ZNF420: variants seen among roughly 807,000 people sequenced by gnomAD.
ZNF420 encodes ATM and p53-associated KZNF protein.
A neutral mutation model predicts 44.7 loss-of-function variants in ZNF420; 31 were observed. That is an observed-to-expected ratio of 0.69 (90% CI 0.52 to 0.94). The LOEUF (loss-of-function observed/expected upper bound fraction) is 0.94, where lower values mean the gene tolerates loss of function less well. Among genes scored for constraint, ZNF420 ranks in the 40% least tolerant of loss-of-function variants. The probability of loss-of-function intolerance (pLI) is 0.00; values close to 1 mark genes in which losing one functional copy is unlikely to be tolerated. For synonymous variants in ZNF420, 245 were observed against 267.4 expected, an observed-to-expected ratio of 0.92 and a Z score of 0.82; for missense variants, 681 against 827.9, an observed-to-expected ratio of 0.82 and a Z score of 2.18.
At chr19:37,052,781 G>A (rs576279056) in intron 1 of ZNF420, among the ~76,000 whole-genome samples, 5 of 152,114 alleles carry the variant, frequency 3.3e-5, no homozygotes, top group Non-Finnish European at 7.4e-5. Context: ...CTTTCTCTCT[G>A]GCTGCCCTTA....
intron 4 of ZNF420, among the ~76,000 whole-genome samples, chr19:37,103,734 C>T (rs1489213272): frequency 1.3e-5 from 2 of 152,148 alleles, no homozygotes; most frequent in African/African-American, 4.8e-5. Context: ...TTTTTAAGGA[C>T]ACTGTTGAAG....
At chr19:37,023,337 G>A (rs2074663360) in intron 1 of ZNF420, among the ~76,000 whole-genome samples, 1 of 152,112 alleles carries the variant, frequency 6.6e-6, no homozygotes, top group African/African-American at 2.4e-5. Context: ...TGCAAAAATA[G>A]AAGAATGCCA....
chr19:37,008,396 G>C (rs2074544747), intron 1 of ZNF420, among the ~76,000 whole-genome samples: 1 of 152,178 alleles, frequency 6.6e-6, no homozygotes, highest in African/African-American at 2.4e-5. Flanking sequence ...TGTCTTTGGT[G>C]AGCCTCTTTC....
intron 1 of ZNF420, among the ~76,000 whole-genome samples, chr19:37,051,493 C>T (rs2146424311): frequency 6.6e-6 from 1 of 152,198 alleles, no homozygotes; most frequent in South Asian, 2.1e-4. Flanking sequence ...TCTAGATTTT[C>T]AGTTTATTTG....
chr19:37,063,787 A>C (rs1271792456), intron 1 of ZNF420, among the ~76,000 whole-genome samples: 1 of 152,186 alleles, frequency 6.6e-6, no homozygotes, highest in African/African-American at 2.4e-5. Flanking sequence ...CAATTACCAA[A>C]ATAAAGAAAT....
upstream of ZNF420, among the ~76,000 whole-genome samples, chr19:37,073,574 A>G (rs1230926727): frequency 6.6e-6 from 1 of 151,946 alleles, no homozygotes; most frequent in Non-Finnish European, 1.5e-5. Context: ...CCCTGTCTCT[A>G]CTAAAAATAT....
At chr19:37,019,000 A>G (rs2074627423) in intron 1 of ZNF420, among the ~76,000 whole-genome samples, 1 of 152,228 alleles carries the variant, frequency 6.6e-6, no homozygotes, top group Non-Finnish European at 1.5e-5. Context: ...ACAGGCATCA[A>G]AAGAAAAAAC....
At chr19:37,066,571 A>G (rs1967971000) in intron 1 of ZNF420, among the ~76,000 whole-genome samples, 1 of 152,262 alleles carries the variant, frequency 6.6e-6, no homozygotes, top group South Asian at 2.1e-4. Context: ...CAACATCATT[A>G]GTCATTAGAA....
intron 4 of ZNF420, chr19:37,092,249 A>T (rs2146545618): frequency 6.6e-6 from 1 of 152,248 alleles, no homozygotes; most frequent in African/African-American, 2.4e-5. Context: ...AAAACCTATG[A>T]CTTGAGGAGA....
intron 4 of ZNF420, among the ~76,000 whole-genome samples, chr19:37,100,994 CTTTTT>C (rs35330746): frequency 1.5e-5 from 2 of 137,060 alleles, no homozygotes; most frequent in Admixed American, 7.3e-5. Flanking sequence ...AAATTTATTC[CTTTTT>C]TTTTTTTTTT....
chr19:37,073,324 C>T (rs1226628669), intron 1 of ZNF420, among the ~76,000 whole-genome samples: 1 of 152,172 alleles, frequency 6.6e-6, no homozygotes, highest in African/African-American at 2.4e-5. Flanking sequence ...TCCCTGTGTA[C>T]TATAAATTAC....
chr19:37,076,123 C>T (rs1968145049), upstream of ZNF420, among the ~76,000 whole-genome samples: 1 of 151,934 alleles, frequency 6.6e-6, no homozygotes, highest in Non-Finnish European at 1.5e-5. Flanking sequence ...GAAGCCCATC[C>T]ACATGGAATC....
At chr19:37,019,984 G>A (rs1429979792) in intron 1 of ZNF420, among the ~76,000 whole-genome samples, 4 of 152,090 alleles carry the variant, frequency 2.6e-5, no homozygotes, top group Non-Finnish European at 4.4e-5. Flanking sequence ...TTGGGAGGCT[G>A]AGGAGGGCGG....
chr19:37,059,568 C>T (rs1288053014), intron 1 of ZNF420, among the ~76,000 whole-genome samples: 3 of 152,120 alleles, frequency 2.0e-5, no homozygotes, highest in Non-Finnish European at 4.4e-5. Context: ...AAACCACAGG[C>T]GGAGTCTGGG....
intron 1 of ZNF420, among the ~76,000 whole-genome samples, chr19:37,012,446 G>A (rs1183520976): frequency 6.6e-6 from 1 of 152,198 alleles, no homozygotes; most frequent in East Asian, 1.9e-4. Flanking sequence ...GGGTGTCGGG[G>A]CCCTGAGGCT....
chr19:37,105,358 ATC>A (rs1970017075), intron 4 of ZNF420, among the ~76,000 whole-genome samples: 1 of 152,072 alleles, frequency 6.6e-6, no homozygotes, highest in South Asian at 2.1e-4. Flanking sequence ...ATTGATCTAT[ATC>A]TCTGTTTTGG....
intron 2 of ZNF420, among the ~76,000 whole-genome samples, chr19:37,087,808 G>T (rs1968910809): frequency 6.6e-6 from 1 of 152,160 alleles, no homozygotes; most frequent in African/African-American, 2.4e-5. Flanking sequence ...ACCACACCCG[G>T]CTAATTTTTT....
rs374931332 is a variant in ZNF420, at chr19:37,020,599, A to G, written c.-125+12517A>G. 4.6e-5 allele frequency among the ~76,000 whole-genome samples: 7 copies of G among 152,266 alleles called. No individual in the cohort carries two copies. In the East Asian group the frequency reaches 1.2e-3, roughly 25 times the overall value. Reference sequence around the variant, plus strand: ...TTCTTCTTTCTTTAATCCTTACACCATGTTCATAGCAGCATTATGCACAAT... The same window carrying G: ...TTCTTCTTTCTTTAATCCTTACACCGTGTTCATAGCAGCATTATGCACAAT... On this transcript the variant is annotated intron_variant, in intron 1 of 4. Coordinates refer to the ZNF420 transcript ENST00000587029.
At chr19:37,019,286 C>G (rs2074629294) in intron 1 of ZNF420, among the ~76,000 whole-genome samples, 1 of 152,160 alleles carries the variant, frequency 6.6e-6, no homozygotes, top group African/African-American at 2.4e-5. Flanking sequence ...ATACTCACCA[C>G]ACTAATTATT....
Sources: gnomAD v4.1 joint callset for allele counts (sites outside exome capture counted in the v4.1 genomes callset) on GRCh38, gnomAD v4.1.1 for gene constraint, MANE v1.5 for transcripts, NCBI Gene and HGNC (gene_info 2026-07-23, HGNC 2026-07-21) for gene names.